The following LUC7L3 variants were observed in gnomAD, a reference collection of about 807,000 sequenced individuals.
LUC7L3 encodes luc7-like protein 3.
A neutral mutation model predicts 66.8 loss-of-function variants in LUC7L3; 6 were observed. That is an observed-to-expected ratio of 0.09 (90% CI 0.05 to 0.18). The LOEUF is 0.18. Among genes scored for constraint, LUC7L3 ranks in the 10% least tolerant of loss-of-function variants. The pLI, the probability that LUC7L3 is intolerant of heterozygous loss-of-function variation, is 1.00. For synonymous variants in LUC7L3, 160 were observed against 174.7 expected (o/e 0.92, Z 0.66); for missense variants, 341 against 531.1 (o/e 0.64, Z 3.52).
At chr17:50,725,135 A>G (rs939671049) in intron 1 of LUC7L3, among the ~76,000 whole-genome samples, 1 of 149,988 alleles carries the variant, frequency 6.7e-6, no homozygotes, top group African/African-American at 2.5e-5. Context: ...CTCGGCTGGG[A>G]GCGGTGGCTC....
chr17:50,746,440 A>G (rs1315421292), intron 8 of LUC7L3, 102 bp from the exon 9 acceptor site: 27 of 983,502 alleles, frequency 2.7e-5, no homozygotes, highest in Non-Finnish European at 4.0e-5. Context: ...TATGTTTTAG[A>G]GGGTAAGTTT....
At chr17:50,740,158 T>A in intron 2 of LUC7L3, 148 bp from the exon 3 acceptor site, 1 of 612,230 alleles carries the variant, frequency 1.6e-6, no homozygotes, top group Non-Finnish European at 2.8e-6. Flanking sequence ...GCTTCATGAT[T>A]TAGTAGGATC....
intron 7 of LUC7L3, among the ~76,000 whole-genome samples, chr17:50,745,052 T>G (rs1415522856): frequency 1.3e-5 from 2 of 152,052 alleles, no homozygotes; most frequent in Non-Finnish European, 2.9e-5. Context: ...TACAGTGGCG[T>G]GATCTCGGCT....
chr17:50,752,211 G>A lies in LUC7L3; in HGVS notation c.*1550G>A, dbSNP rs767573118. On this transcript the variant is annotated 3_prime_UTR_variant, in exon 10 of 10. Coordinates refer to ENST00000505658, the MANE Select transcript of LUC7L3 (RefSeq NM_016424.5). Reference sequence around the variant, plus strand: ...ATTTTGCGTTGTAGGACTACTGTTCGAAGATTTTTGGAAGAATACTGAGAA... The same window carrying A: ...ATTTTGCGTTGTAGGACTACTGTTCAAAGATTTTTGGAAGAATACTGAGAA... 1.6e-6 allele frequency: 2 copies of A among 1,284,752 alleles called. No homozygotes were observed. Among genetic ancestry groups the A allele is most frequent in the South Asian group, 1.2e-5 (1 of 80,102 alleles). 79.6% of individuals were successfully genotyped at this position (1,284,752 alleles called of 1,614,324 possible). A position where few individuals can be genotyped will look rare whatever the true frequency, so the allele number is the denominator to read the frequency against.
chr17:50,729,204 C>G (rs932451333), intron 1 of LUC7L3, among the ~76,000 whole-genome samples: 4 of 152,042 alleles, frequency 2.6e-5, no homozygotes, highest in African/African-American at 9.7e-5. Flanking sequence ...GAGGTAATTA[C>G]CCAGTTTTTG....
chr17:50,753,599 T>G lies in LUC7L3; in HGVS notation c.*2938T>G, dbSNP rs948251321. Reference sequence around the variant, plus strand: ...GGGTTATCTCTGAATTTGTAAGAGATAATTCACATGAGGATTAAGATAAAA... The same window carrying G: ...GGGTTATCTCTGAATTTGTAAGAGAGAATTCACATGAGGATTAAGATAAAA... On this transcript the variant is annotated 3_prime_UTR_variant, in exon 10 of 10. Coordinates refer to ENST00000505658, the MANE Select transcript of LUC7L3 (RefSeq NM_016424.5). 2.0e-5 allele frequency: 3 copies of G among 152,210 alleles called. No individual in the cohort carries two copies. The highest frequency in any genetic ancestry group is 2.9e-5 in the Non-Finnish European group (2 of 68,038). 9.4% of individuals were successfully genotyped at this position (152,210 alleles called of 1,614,324 possible).
intron 1 of LUC7L3, among the ~76,000 whole-genome samples, chr17:50,733,235 A>G (rs1282331565): frequency 6.7e-6 from 1 of 150,254 alleles, no homozygotes; most frequent in East Asian, 1.9e-4. Context: ...ATTCACAGTA[A>G]TAGTAAAACT....
rs1400620111 is a variant in LUC7L3 at position 50,741,081 on chromosome 17, TG to T, written c.207-20del. 1 of 1,613,430 alleles carries T rather than the reference TG, an allele frequency of 6.2e-7. No homozygotes were observed. Among genetic ancestry groups the T allele is most frequent in the African/African-American group, 1.3e-5 (1 of 74,892 alleles). On this transcript the variant is annotated intron_variant, in intron 3 of 9. Coordinates refer to ENST00000505658, the MANE Select transcript of LUC7L3 (RefSeq NM_016424.5). ...GGCTGAAGATTTGGAAATGAGTACTTGTTTATTTTCATGTTACCAGGTATGA... is the reference window on the plus strand; with the variant it reads ...GGCTGAAGATTTGGAAATGAGTACTTTTTATTTTCATGTTACCAGGTATGA...
rs1393285201 is a variant in LUC7L3 at position 50,719,820 on chromosome 17, G to A, written c.88G>A (p.Asp30Asn). Residue 30 changes from aspartate (D) to asparagine (N), a missense_variant, in exon 1 of 10, where the codon GAC becomes AAC. Physicochemically the swap from Asp to Asn is conservative, Grantham distance 23 (BLOSUM62 1). Coordinates refer to ENST00000505658, the MANE Select transcript of LUC7L3 (RefSeq NM_016424.5). ...CGAGAAGCGCAGCAACGTGCGGTGG[G>A]ACCACGAGAGCGTAAGTCCCGCGGG... ...PDEKRSNVRW[D>N]HESVCKYYLC... 1 of 1,606,230 alleles carries A rather than the reference G, an allele frequency of 6.2e-7. No individual in the cohort carries two copies. Among genetic ancestry groups the A allele is most frequent in the South Asian group, 1.1e-5 (1 of 90,184 alleles).
At chr17:50,722,197 T>C (rs1449787808) in intron 1 of LUC7L3, 1 of 127,248 alleles carries the variant, frequency 7.9e-6, no homozygotes, top group Non-Finnish European at 1.6e-5. Flanking sequence ...CATTCTTTTT[T>C]TTTTTTTTTT....
chr17:50,723,885 T>G (rs1328903901), intron 1 of LUC7L3: 5 of 438,402 alleles, frequency 1.1e-5, no homozygotes, highest in Non-Finnish European at 2.3e-5. Flanking sequence ...TCGGTCCGCC[T>G]CAGTCTCCCA....
At chr17:50,744,529 G>A in intron 6 of LUC7L3, 123 bp from the exon 7 acceptor site, 1 of 884,022 alleles carries the variant, frequency 1.1e-6, no homozygotes, top group East Asian at 2.7e-5. Context: ...CAATATTACT[G>A]ATTTGGGGAA....
Position 50,753,125 on chromosome 17 carries a change from G to T in LUC7L3, c.*2464G>T, listed in dbSNP as rs771902229. 6.6e-6 allele frequency: 1 copy of T among 152,152 alleles called. No individual in the cohort carries two copies. The highest frequency in any genetic ancestry group is 2.4e-5 in the African/African-American group (1 of 41,438). The allele number at this position is 152,152 out of a possible 1,614,324, so 9.4% of individuals were successfully genotyped here. ...AAGGGTTTTTTCCCCCCACTTAAGT[G>T]ATTATTTTTGTGTCACATCTAGGAA... On this transcript the variant is annotated 3_prime_UTR_variant, in exon 10 of 10. Coordinates refer to ENST00000505658, the MANE Select transcript of LUC7L3 (RefSeq NM_016424.5).
chr17:50,750,839 C>G lies in LUC7L3; in HGVS notation c.*178C>G. The stretch of plus-strand genomic sequence containing the variant: ...TGAAGGAAAAGACAGTGTAGTCCTG[C>G]AAAACATTTTGAGGTACATTGTTTT... On this transcript the variant is annotated 3_prime_UTR_variant, in exon 10 of 10. Coordinates refer to ENST00000505658, the MANE Select transcript of LUC7L3 (RefSeq NM_016424.5). 2 of 1,540,482 alleles carry G rather than the reference C, an allele frequency of 1.3e-6. No homozygotes were observed. The highest frequency in any genetic ancestry group is 8.7e-7 in the Non-Finnish European group (1 of 1,147,518).
intron 2 of LUC7L3, chr17:50,737,339 T>C: frequency 2.0e-6 from 1 of 488,148 alleles, no homozygotes; most frequent in Non-Finnish European, 4.0e-6. Flanking sequence ...TTTTGGAAGA[T>C]GACAAGTGGA....
At chr17:50,742,071 G>A (rs576919368) in intron 5 of LUC7L3, among the ~76,000 whole-genome samples, 50 of 147,934 alleles carry the variant, frequency 3.4e-4, no homozygotes, top group Admixed American at 2.5e-3. Context: ...GTGAGACCTC[G>A]TCTTGTGTGT....
At position 50,753,317 on chromosome 17, in the gene LUC7L3, C is replaced by T. The variant is rs1455681319; in HGVS notation, c.*2656C>T. On this transcript the variant is annotated 3_prime_UTR_variant, in exon 10 of 10. Transcript: ENST00000505658. ...GGTAAAGAAACAGTGTGTTAAATGA[C>T]TTATCCAGGGAGGGTCCTGTGGCTT... The T allele has an allele frequency of 6.6e-6, 1 of 152,618 alleles. No individual in the cohort carries two copies. Among genetic ancestry groups the T allele is most frequent in the African/African-American group, 2.4e-5 (1 of 41,436 alleles). The allele number at this position is 152,618 out of a possible 1,614,324, so 9.5% of individuals were successfully genotyped here.
intron 1 of LUC7L3, among the ~76,000 whole-genome samples, chr17:50,729,504 T>C (rs912282589): frequency 1.3e-5 from 2 of 152,108 alleles, no homozygotes; most frequent in Admixed American, 6.5e-5. Context: ...CCAGAGCTGA[T>C]CCCGGCTGCC....
intron 3 of LUC7L3, 127 bp downstream of exon 3, chr17:50,740,472 G>C: frequency 1.2e-6 from 1 of 842,618 alleles, no homozygotes; most frequent in Non-Finnish European, 1.9e-6. Context: ...AGTGGCTGGG[G>C]ATAGTAAGAA....
Sources: allele counts gnomAD v4.1 joint callset (sites outside exome capture counted in the v4.1 genomes callset), GRCh38; gene constraint gnomAD v4.1.1; transcripts MANE v1.5; gene names NCBI Gene and HGNC (gene_info 2026-07-23, HGNC 2026-07-21).